The following SEMA6A variants were observed in gnomAD, a reference collection of about 807,000 sequenced individuals.
SEMA6A encodes the protein semaphorin 6A.
Under a neutral mutation model 96.8 loss-of-function variants are expected in SEMA6A, and 25 were observed. The observed-to-expected ratio is 0.26, with a 90% CI of 0.19 to 0.36. The LOEUF is 0.36. SEMA6A is among the 10% of genes least tolerant of loss of function. The pLI is 1.00. For missense variants in SEMA6A, 1,363 were observed against 1,323.1 expected (o/e 1.03, Z -0.47); for synonymous variants, 612 against 518.0 (o/e 1.18, Z -2.46).
At chr5:116,562,577 G>C (rs902858873) in intron 1 of SEMA6A, 21 of 636,708 alleles carry the variant, frequency 3.3e-5, no homozygotes, top group Non-Finnish European at 5.9e-5. Flanking sequence ...ACCTCGAAAG[G>C]GGAAGGAAAA....
chr5:116,548,663 AG>A (rs1760282935), intron 1 of SEMA6A, among the ~76,000 whole-genome samples: 1 of 152,218 alleles, frequency 6.6e-6, no homozygotes, highest in Non-Finnish European at 1.5e-5. Flanking sequence ...ATTGAGGCCA[AG>A]GAACAACTGC....
chr5:116,502,406 A>G (rs1340994934), intron 2 of SEMA6A, 79 bp from the exon 3 acceptor site: 5 of 1,210,592 alleles, frequency 4.1e-6, no homozygotes, highest in African/African-American at 1.5e-5. Context: ...GGAGGGAGAC[A>G]GGTCACAAAA....
In SEMA6A at chr5:116,446,588, G is replaced by C; in HGVS notation, c.*25C>G. On this transcript the variant is annotated 3_prime_UTR_variant, in exon 19 of 19. Transcript: ENST00000343348. ...GGCACCTCGCCTTGCCTGCTGGTTC[G>C]ACACCTGACCCCCTCCCCCTGGGAT... 2.1e-6 allele frequency: 3 copies of C among 1,456,176 alleles called. No individual in the cohort carries two copies. Among genetic ancestry groups the C allele is most frequent in the Middle Eastern group, 1.8e-4 (1 of 5,532 alleles). 90.2% of individuals were successfully genotyped at this position (1,456,176 alleles called of 1,614,324 possible). A position where few individuals can be genotyped will look rare whatever the true frequency, so the allele number is the denominator to read the frequency against.
chr5:116,559,169 A>G (rs768672390), intron 1 of SEMA6A, among the ~76,000 whole-genome samples: 1 of 152,186 alleles, frequency 6.6e-6, no homozygotes, highest in Non-Finnish European at 1.5e-5. Flanking sequence ...CAACTGCAAG[A>G]CCAAATGCTA....
chr5:116,497,941 T>G (rs995650599), intron 3 of SEMA6A, among the ~76,000 whole-genome samples: 72 of 152,326 alleles, frequency 4.7e-4, no homozygotes, highest in African/African-American at 1.7e-3. Flanking sequence ...TCCCTCATAA[T>G]GATGGTCAAT....
intron 15 of SEMA6A, 46 bp downstream of exon 15, chr5:116,477,800 T>A: frequency 6.3e-7 from 1 of 1,587,128 alleles, no homozygotes; most frequent in South Asian, 1.1e-5. Context: ...AGAATACACC[T>A]TGGCTGGAAG....
intron 1 of SEMA6A, among the ~76,000 whole-genome samples, chr5:116,534,303 C>T (rs1161781417): frequency 1.3e-5 from 2 of 152,184 alleles, no homozygotes; most frequent in African/African-American, 4.8e-5. Context: ...ATGTGTGCAG[C>T]ATAAATCAGA....
intron 5 of SEMA6A, chr5:116,495,739 GTTTAT>G (rs1259593833): frequency 1.9e-5 from 9 of 465,614 alleles, no homozygotes; most frequent in Non-Finnish European, 3.4e-5. Context: ...AAGATTGTGT[GTTTAT>G]TTTATGTCAC....
rs548573774 is a variant in SEMA6A at position 116,547,257 on chromosome 5, T to C, written c.-39+26928A>G. Among the ~76,000 whole-genome samples, 3 of 152,370 alleles carry C rather than the reference T, an allele frequency of 2.0e-5. No individual in the cohort carries two copies. In the South Asian group the frequency reaches 6.2e-4, roughly 32 times the overall value. On this transcript the variant is annotated intron_variant, in intron 1 of 18. Transcript: ENST00000343348. ...TGAAGAGGTATAGCATTGATGTTGC[T>C]GAAATATCTCATATTCAATTTTATG... is the stretch of plus-strand genomic sequence containing the variant.
chr5:116,533,048 G>T (rs528159558), intron 1 of SEMA6A, among the ~76,000 whole-genome samples: 4 of 152,252 alleles, frequency 2.6e-5, no homozygotes, highest in Non-Finnish European at 5.9e-5. Flanking sequence ...ATTCTTACAG[G>T]ACTGTTTGAA....
At chr5:116,534,636 T>G (rs1301731162) in intron 1 of SEMA6A, among the ~76,000 whole-genome samples, 1 of 152,214 alleles carries the variant, frequency 6.6e-6, no homozygotes, top group East Asian at 1.9e-4. Flanking sequence ...ACTGCTCTTT[T>G]TAATGTACCC....
At chr5:116,564,093 C>A (rs949284388) in intron 1 of SEMA6A, among the ~76,000 whole-genome samples, 1 of 152,164 alleles carries the variant, frequency 6.6e-6, no homozygotes, top group Non-Finnish European at 1.5e-5. Context: ...ACATTATTGG[C>A]CTCTAAAATC....
At chr5:116,552,599 G>A (rs1426627392) in intron 1 of SEMA6A, among the ~76,000 whole-genome samples, 1 of 152,066 alleles carries the variant, frequency 6.6e-6, no homozygotes, top group East Asian at 1.9e-4. Flanking sequence ...TAAGCGGCCC[G>A]GGCAGTATGA....
intron 10 of SEMA6A, among the ~76,000 whole-genome samples, chr5:116,484,632 A>AT (rs1561488518): frequency 1.3e-4 from 20 of 148,586 alleles, no homozygotes; most frequent in African/African-American, 4.7e-4. Flanking sequence ...CAGGAAAAAA[A>AT]AAATAATAAT....
At chr5:116,524,459 G>A (rs1013715326) in intron 1 of SEMA6A, among the ~76,000 whole-genome samples, 1 of 152,162 alleles carries the variant, frequency 6.6e-6, no homozygotes, top group Non-Finnish European at 1.5e-5. Context: ...TGGAACATGT[G>A]ATTTGTCTCT....
chr5:116,480,297 G>A lies in SEMA6A; in HGVS notation c.1095-20C>T. On this transcript the variant is annotated intron_variant, in intron 11 of 18. Transcript: ENST00000343348. ...CCTGGCCTAAAATGAAACAAAGGGT[G>A]AGGAAGGAGGGAGCTTATTTTCTGC... 2 of 1,612,546 alleles carry A rather than the reference G, an allele frequency of 1.2e-6. No homozygotes were observed. Among genetic ancestry groups the A allele is most frequent in the East Asian group, 2.2e-5 (1 of 44,872 alleles).
At chr5:116,455,309 G>C (rs1175826265) in intron 18 of SEMA6A, among the ~76,000 whole-genome samples, 1 of 152,196 alleles carries the variant, frequency 6.6e-6, no homozygotes, top group East Asian at 1.9e-4. Flanking sequence ...GCCATGCCCT[G>C]GAATGCTGGT....
intron 4 of SEMA6A, among the ~76,000 whole-genome samples, chr5:116,497,073 GA>G (rs1757638446): frequency 6.6e-6 from 1 of 152,134 alleles, no homozygotes; most frequent in Non-Finnish European, 1.5e-5. Flanking sequence ...TTTTATAAAA[GA>G]AATGTAGAAA....
intron 1 of SEMA6A, among the ~76,000 whole-genome samples, chr5:116,557,947 T>C (rs987437843): frequency 6.6e-6 from 1 of 152,198 alleles, no homozygotes; most frequent in Non-Finnish European, 1.5e-5. Context: ...AGATAAATAA[T>C]CTATAATTTG....
Sources: gnomAD v4.1 joint callset for allele counts (sites outside exome capture counted in the v4.1 genomes callset) on GRCh38, gnomAD v4.1.1 for gene constraint, MANE v1.5 for transcripts, NCBI Gene and HGNC (gene_info 2026-07-23, HGNC 2026-07-21) for gene names.